The following UBE2J1 variants were observed in gnomAD, a reference collection of about 807,000 sequenced individuals.
The protein encoded by UBE2J1 is ubiquitin-conjugating enzyme E2 J1.
Under a neutral mutation model 42.1 loss-of-function variants are expected in UBE2J1, and 17 were observed. The ratio of observed to expected loss-of-function variants is 0.40; its 90% CI spans 0.28 to 0.61. The LOEUF (loss-of-function observed/expected upper bound fraction) is 0.61. UBE2J1 is among the 20% of genes least tolerant of loss of function. UBE2J1 has a pLI of 0.38. For synonymous variants in UBE2J1, 127 were observed against 137.2 expected (o/e 0.93, Z 0.52); for missense variants, 291 against 389.4 (o/e 0.75, Z 2.13).
chr6:89,327,142 A>G lies in UBE2J1; in HGVS notation c.*2537T>C, dbSNP rs565849865. On this transcript the variant is annotated 3_prime_UTR_variant, in exon 8 of 8. Transcript: ENST00000435041. ...CTACATAAAAGCCCCACATTACATA[A>G]ATTTTGAAAAGTTTATTGGCTTAAA... The G allele has an allele frequency of 3.0e-4, 46 of 152,726 alleles. No homozygotes were observed. Among genetic ancestry groups the G allele is most frequent in the African/African-American group, 1.1e-3 (45 of 41,544 alleles). The allele number at this position is 152,726 out of a possible 1,614,324, so 9.5% of individuals were successfully genotyped here. A position where few individuals can be genotyped will look rare whatever the true frequency, so the allele number is the denominator to read the frequency against.
chr6:89,339,801 G>C (rs566557183), intron 3 of UBE2J1, among the ~76,000 whole-genome samples: 212 of 151,590 alleles, frequency 1.4e-3, no homozygotes, highest in African/African-American at 4.9e-3. Context: ...TTGAGGCCAG[G>C]AGTTTGAGAC....
chr6:89,338,832 A>ATTC (rs1768171123), intron 3 of UBE2J1, among the ~76,000 whole-genome samples: 1 of 151,710 alleles, frequency 6.6e-6, no homozygotes, highest in Non-Finnish European at 1.5e-5. Context: ...GGCCTGGCTA[A>ATTC]TGTTTTGTAT....
At chr6:89,343,869 T>C (rs1390115136) in intron 1 of UBE2J1, 113 bp from the exon 2 acceptor site, 3 of 697,394 alleles carry the variant, frequency 4.3e-6, no homozygotes, top group African/African-American at 1.8e-5. Context: ...AATGAGCATA[T>C]GGCAAAGGTT....
At position 89,328,084 on chromosome 6, in the gene UBE2J1, C is replaced by G. The variant is rs551372913; in HGVS notation, c.*1595G>C. On this transcript the variant is annotated 3_prime_UTR_variant, in exon 8 of 8. Transcript: ENST00000435041. ...ATAATCTGTAAACACCTTTAAAATGCGAATTTATTAAAGTTTAAGACAATT... is the reference window on the plus strand; with the variant it reads ...ATAATCTGTAAACACCTTTAAAATGGGAATTTATTAAAGTTTAAGACAATT... 6.6e-6 allele frequency: 1 copy of G among 151,898 alleles called. No homozygotes were observed. Among genetic ancestry groups the G allele is most frequent in the Non-Finnish European group, 1.5e-5 (1 of 67,990 alleles). 9.4% of individuals were successfully genotyped at this position (151,898 alleles called of 1,614,324 possible). A position where few individuals can be genotyped will look rare whatever the true frequency, so the allele number is the denominator to read the frequency against.
intron 2 of UBE2J1, among the ~76,000 whole-genome samples, chr6:89,342,884 T>C (rs967761381): frequency 6.6e-6 from 1 of 152,198 alleles, no homozygotes; most frequent in Non-Finnish European, 1.5e-5. Flanking sequence ...GTAATACTAA[T>C]GTATTTAATG....
intron 3 of UBE2J1, 145 bp from the exon 4 acceptor site, chr6:89,338,688 T>C (rs937841712): frequency 6.9e-5 from 15 of 218,770 alleles, no homozygotes; most frequent in South Asian, 3.1e-4. Flanking sequence ...TTTTTTGAGA[T>C]GGAGTCTCGC....
In UBE2J1 at chr6:89,335,293, T is replaced by C; in HGVS notation, c.558+9A>G. On this transcript the variant is annotated intron_variant, in intron 6 of 7. Coordinates refer to ENST00000435041, the MANE Select transcript of UBE2J1 (RefSeq NM_016021.3). ...GCAAGATTAGCATTTATTTAAGAAT[T>C]TATAGTACCTTAAAGCTTATTTGCC... The C allele has an allele frequency of 6.4e-7, 1 of 1,557,806 alleles. No individual in the cohort carries two copies. Among genetic ancestry groups the C allele is most frequent in the African/African-American group, 1.4e-5 (1 of 72,844 alleles).
chr6:89,352,526 C>T lies in UBE2J1; in HGVS notation c.31+13G>A. 6.4e-7 allele frequency: 1 copy of T among 1,568,284 alleles called. No homozygotes were observed. ...CTCCGCCCTCCTCGCCCAGGGGCCC[C>T]AGCCCTGCTCACCCGGACTCTTCAG... On this transcript the variant is annotated intron_variant, in intron 1 of 7. Transcript: ENST00000435041.
Position 89,330,011 on chromosome 6 carries a change from C to T in UBE2J1, c.679-54G>A, listed in dbSNP as rs574714142. 3.2e-4 allele frequency: 491 copies of T among 1,528,594 alleles called. 5 individuals are homozygous for T. In the South Asian group the frequency reaches 4.9e-3, roughly 15 times the overall value. 94.7% of individuals were successfully genotyped at this position (1,528,594 alleles called of 1,614,324 possible). ...AACTGGCAAAGAAGATTTGTAAATA[C>T]ACTTGTTATCTATTCAAGAATACAC... On this transcript the variant is annotated intron_variant, in intron 7 of 7. Transcript: ENST00000435041.
intron 5 of UBE2J1, among the ~76,000 whole-genome samples, chr6:89,336,685 T>C (rs12189673): frequency 0.24 from 36,397 of 151,820 alleles, 5,385 homozygotes; most frequent in Admixed American, 0.33. Flanking sequence ...GTGGCACTGT[T>C]GACCACACAC....
At chr6:89,341,940 G>A (rs1308002573) in intron 3 of UBE2J1, among the ~76,000 whole-genome samples, 1 of 152,118 alleles carries the variant, frequency 6.6e-6, no homozygotes, top group East Asian at 1.9e-4. Flanking sequence ...TTGTAAAGAT[G>A]AGAAAACTGA....
chr6:89,345,173 T>C (rs1480950304), intron 1 of UBE2J1, among the ~76,000 whole-genome samples: 2 of 152,042 alleles, frequency 1.3e-5, no homozygotes, highest in African/African-American at 2.4e-5. Flanking sequence ...TAGATATGAA[T>C]AGGAAGAGGT....
Position 89,338,285 on chromosome 6 carries a change from A to G in UBE2J1, c.348T>C (p.Ile116=), listed in dbSNP as rs1467236508. 4 of 1,613,728 alleles carry G rather than the reference A, an allele frequency of 2.5e-6. No individual in the cohort carries two copies. Among genetic ancestry groups the G allele is most frequent in the Non-Finnish European group, 3.4e-6 (4 of 1,179,814 alleles). Residue 116 remains isoleucine, a synonymous_variant, in exon 5 of 8, where the codon ATT becomes ATC. Transcript: ENST00000435041. Reference sequence around the variant, plus strand: ...CCTCTCCTTTTGTTGGCATAAACCCAATGATGGCTAATAATGCTGTCCTTA... The same window carrying G: ...CCTCTCCTTTTGTTGGCATAAACCCGATGATGGCTAATAATGCTGTCCTTA... ...WSIRTALLAI[I]GFMPTKGEGA... is the part of the protein sequence containing the mutation.
intron 1 of UBE2J1, among the ~76,000 whole-genome samples, chr6:89,349,084 C>T (rs1359855557): frequency 6.6e-6 from 1 of 152,050 alleles, no homozygotes. Flanking sequence ...AAAAAATACA[C>T]AAATTAGCTG....
At chr6:89,333,322 C>G (rs1768045427) in intron 6 of UBE2J1, 117 bp from the exon 7 acceptor site, 1 of 1,207,962 alleles carries the variant, frequency 8.3e-7, no homozygotes, top group Admixed American at 2.6e-5. Context: ...AGTTTAATAT[C>G]TATTATCAGG....
At position 89,333,164 on chromosome 6, in the gene UBE2J1, G is replaced by A. The variant is rs768861274; in HGVS notation, c.600C>T (p.Asp200=). ...NSSGKTISES[D]LNHSFSLTDL... ...CAGTTAGTGAAAAAGAGTGGTTTAA[G>A]TCTGACTCAGAGATAGTCTTTCCAG... is the stretch of plus-strand genomic sequence containing the variant. Residue 200 remains aspartate, a synonymous_variant, in exon 7 of 8, where the codon GAC becomes GAT. Coordinates refer to ENST00000435041, the MANE Select transcript of UBE2J1 (RefSeq NM_016021.3). The A allele has an allele frequency of 1.2e-6, 2 of 1,613,182 alleles. No individual in the cohort carries two copies. Among genetic ancestry groups the A allele is most frequent in the East Asian group, 2.2e-5 (1 of 44,838 alleles).
rs551610231 is a variant in UBE2J1, at chr6:89,332,982, A to G, written c.678+104T>C. On this transcript the variant is annotated intron_variant, in intron 7 of 7. Coordinates refer to ENST00000435041, the MANE Select transcript of UBE2J1 (RefSeq NM_016021.3). ...CTGATGAGTTAGAATCCAGTTGTTA[A>G]GAGAACCAAATTTTTCAGATATTTG... 1.9e-5 allele frequency: 22 copies of G among 1,143,518 alleles called. No individual in the cohort carries two copies. The South Asian group carries it at 4.5e-4, about 24-fold the overall frequency. 70.8% of individuals were successfully genotyped at this position (1,143,518 alleles called of 1,614,324 possible).
Position 89,344,555 on chromosome 6 carries a change from T to G in UBE2J1, c.32-799A>C, listed in dbSNP as rs147803228. Among the ~76,000 whole-genome samples the G allele has an allele frequency of 3.7e-3, 571 of 152,322 alleles. 1 individual carries two copies. Among genetic ancestry groups the G allele is most frequent in the African/African-American group, 0.013 (543 of 41,566 alleles). ...CTGTGCCTGACCCAACCCAACCATC[T>G]TATTTGCTGTCTATACCCAAACAGC... On this transcript the variant is annotated intron_variant, in intron 1 of 7. Coordinates refer to ENST00000435041, the MANE Select transcript of UBE2J1 (RefSeq NM_016021.3).
chr6:89,338,662 T>A (rs1393627146), intron 3 of UBE2J1, 119 bp from the exon 4 acceptor site: 6 of 253,704 alleles, frequency 2.4e-5, no homozygotes, highest in Non-Finnish European at 3.9e-5. Flanking sequence ...AGTTTGTTTT[T>A]TTTTTTTTTT....
Sources: gnomAD v4.1 joint callset for allele counts (sites outside exome capture counted in the v4.1 genomes callset) on GRCh38, gnomAD v4.1.1 for gene constraint, MANE v1.5 for transcripts, NCBI Gene and HGNC (gene_info 2026-07-23, HGNC 2026-07-21) for gene names.